The following MTUS2 variants were observed in gnomAD, a reference collection of about 807,000 sequenced individuals.
MTUS2 encodes the protein microtubule-associated tumor suppressor candidate 2.
MTUS2 carries 40 observed loss-of-function variants against 114.1 expected under a neutral mutation model. That is an observed-to-expected ratio of 0.35 (90% CI 0.27 to 0.46). MTUS2 has a LOEUF of 0.46. Among genes scored for constraint, MTUS2 ranks in the 20% least tolerant of loss-of-function variants. MTUS2 has a pLI of 1.00. For missense variants in MTUS2, 1,679 were observed against 1,705.4 expected (o/e 0.98, Z 0.27); for synonymous variants, 688 against 672.0 (o/e 1.02, Z -0.37).
chr13:29,329,463 C>T (rs1900672119), intron 7 of MTUS2, among the ~76,000 whole-genome samples: 1 of 152,130 alleles, frequency 6.6e-6, no homozygotes. Context: ...CTGCAAAGGA[C>T]ATGAACTCAT....
chr13:29,088,423 A>G (rs1167703042), intron 4 of MTUS2, among the ~76,000 whole-genome samples: 1 of 152,154 alleles, frequency 6.6e-6, no homozygotes, highest in Non-Finnish European at 1.5e-5. Flanking sequence ...AGTATGTGCC[A>G]TGTGCAGATG....
At chr13:28,984,076 C>T (rs1303677481) in intron 2 of MTUS2, among the ~76,000 whole-genome samples, 1 of 152,204 alleles carries the variant, frequency 6.6e-6, no homozygotes, top group African/African-American at 2.4e-5. Flanking sequence ...CTTCTCCTCG[C>T]TCCCTGGGGA....
chr13:29,009,465 A>C (rs1885744257), intron 2 of MTUS2, among the ~76,000 whole-genome samples: 1 of 152,138 alleles, frequency 6.6e-6, no homozygotes. Context: ...GAAAGAAGCC[A>C]GACTTGAAAG....
In MTUS2 at chr13:29,468,163, G is replaced by C. The variant is rs149242076; in HGVS notation, c.3185-11987G>C. ...CCAAAAGAGTACATAAAATGGCCAA[G>C]TATTTATTACTAAAAAAGAGCTTTA... On this transcript the variant is annotated intron_variant, in intron 9 of 15. Coordinates refer to ENST00000612955, the MANE Select transcript of MTUS2 (RefSeq NM_001033602.4). Among the ~76,000 whole-genome samples, 441 of 152,150 alleles carry C rather than the reference G, an allele frequency of 2.9e-3. 3 individuals are homozygous for C. In the Middle Eastern group the frequency reaches 0.031, roughly 11 times the overall value.
At chr13:29,498,194 C>T (rs1270746963) in intron 13 of MTUS2, among the ~76,000 whole-genome samples, 2 of 152,228 alleles carry the variant, frequency 1.3e-5, no homozygotes, top group Non-Finnish European at 2.9e-5. Flanking sequence ...ATGGCCATGT[C>T]TCACCTGTTC....
intron 5 of MTUS2, among the ~76,000 whole-genome samples, chr13:29,144,672 C>T (rs936198720): frequency 1.3e-5 from 2 of 152,158 alleles, no homozygotes; most frequent in African/African-American, 2.4e-5. Flanking sequence ...CATGGGCTTG[C>T]TCAACATAAT....
intron 2 of MTUS2, among the ~76,000 whole-genome samples, chr13:28,986,749 T>A (rs1884604606): frequency 1.3e-5 from 2 of 152,198 alleles, no homozygotes; most frequent in Admixed American, 6.5e-5. Context: ...GTGTGTTCAG[T>A]GTTCATCACT....
chr13:29,121,458 CAT>C (rs1491518506), intron 5 of MTUS2, among the ~76,000 whole-genome samples: 3 of 150,248 alleles, frequency 2.0e-5, no homozygotes, highest in East Asian at 1.9e-4. Context: ...CACACACACA[CAT>C]GCAAGAGATA....
rs774851883 is a variant in MTUS2 at position 29,026,479 on chromosome 13, C to T, written c.1781C>T (p.Pro594Leu). The change falls in exon 3 of 16, where the codon CCC becomes CTC. Residue 594 changes from proline to leucine, a missense_variant. Physicochemically the swap from Pro to Leu is moderately conservative, Grantham distance 98. Around this residue, in one of 3 missense-constraint regions of MTUS2, gnomAD observed 843 missense variants for 770.8 expected, o/e 1.09. Transcript: ENST00000612955. The part of the protein sequence containing the change: ...SPKVPDKNTC[P>L]SGIPKPVFTH... ...AAAGTGCCTGACAAGAACACTTGCC[C>T]CAGTGGGATCCCCAAGCCTGTCTTC... 6.2e-7 allele frequency: 1 copy of T among 1,613,962 alleles called. No homozygotes were observed. Among genetic ancestry groups the T allele is most frequent in the East Asian group, 2.2e-5 (1 of 44,874 alleles).
At chr13:29,130,965 C>T (rs931626394) in intron 5 of MTUS2, among the ~76,000 whole-genome samples, 1 of 152,216 alleles carries the variant, frequency 6.6e-6, no homozygotes, top group Non-Finnish European at 1.5e-5. Context: ...TCATTCATCT[C>T]CCTCTGCTCC....
intron 9 of MTUS2, among the ~76,000 whole-genome samples, chr13:29,440,594 C>T (rs375109718): frequency 1.5e-4 from 23 of 152,222 alleles, no homozygotes; most frequent in African/African-American, 4.6e-4. Flanking sequence ...TGGCTTTCAC[C>T]GTAGGTCAAG....
chr13:29,043,386 T>C (rs1196950653), intron 4 of MTUS2, among the ~76,000 whole-genome samples: 1 of 152,056 alleles, frequency 6.6e-6, no homozygotes, highest in East Asian at 1.9e-4. Context: ...TTCCATGTGC[T>C]GATGAATGTA....
chr13:29,153,650 C>T (rs542369828), intron 5 of MTUS2, among the ~76,000 whole-genome samples: 69 of 152,260 alleles, frequency 4.5e-4, no homozygotes, highest in Middle Eastern at 3.4e-3. Context: ...ACACACTGCC[C>T]ATCTCCAGTT....
intron 2 of MTUS2, among the ~76,000 whole-genome samples, chr13:28,859,188 G>T (rs1430938088): frequency 6.6e-6 from 1 of 152,164 alleles, no homozygotes; most frequent in Non-Finnish European, 1.5e-5. Context: ...GCCTAGTGGG[G>T]CTAGAACCAG....
chr13:28,828,703 A>G (rs1432632853), intron 1 of MTUS2, among the ~76,000 whole-genome samples: 2 of 152,158 alleles, frequency 1.3e-5, no homozygotes, highest in African/African-American at 2.4e-5. Flanking sequence ...CAGGTACAAA[A>G]TTTAAGGGAC....
At chr13:28,881,440 G>T (rs2138139790) in intron 2 of MTUS2, among the ~76,000 whole-genome samples, 1 of 152,198 alleles carries the variant, frequency 6.6e-6, no homozygotes, top group South Asian at 2.1e-4. Context: ...AATAAACTAT[G>T]AATGCAGGTA....
At chr13:28,828,234 C>G (rs568806247) in intron 1 of MTUS2, among the ~76,000 whole-genome samples, 24 of 152,320 alleles carry the variant, frequency 1.6e-4, no homozygotes, top group Admixed American at 9.8e-4. Context: ...TCTGTTCTGC[C>G]AAGCCCACAG....
chr13:29,432,031 TTG>T (rs1877033677), intron 8 of MTUS2, among the ~76,000 whole-genome samples: 1 of 145,872 alleles, frequency 6.9e-6, no homozygotes. Context: ...TTTTTTTTTT[TTG>T]GCAGAGCTGG....
chr13:29,326,936 C>T (rs1021017833), intron 7 of MTUS2, among the ~76,000 whole-genome samples: 1 of 151,968 alleles, frequency 6.6e-6, no homozygotes, highest in Non-Finnish European at 1.5e-5. Flanking sequence ...GCCAAGGTCA[C>T]GCCACTACAC....
Sources: allele counts gnomAD v4.1 joint callset (sites outside exome capture counted in the v4.1 genomes callset), GRCh38; gene constraint gnomAD v4.1.1; regional missense constraint gnomAD v4.1.1; transcripts MANE v1.5; gene names NCBI Gene and HGNC (gene_info 2026-07-23, HGNC 2026-07-21).